Variants in CHD6 observed in about 807,000 individuals in gnomAD.
CHD6 encodes ATP-dependent chromatin remodeler CHD6.
A neutral mutation model predicts 276.9 loss-of-function variants in CHD6; 50 were observed. The ratio of observed to expected loss-of-function variants is 0.18; its 90% CI spans 0.14 to 0.23. The LOEUF (loss-of-function observed/expected upper bound fraction) is 0.23, where lower values mean the gene tolerates loss of function less well. Ranked by LOEUF, CHD6 falls within the 10% of genes least tolerant of loss-of-function variation. CHD6 has a pLI of 1.00. For missense variants in CHD6, 2,564 were observed against 3,365.8 expected, an observed-to-expected ratio of 0.76 and a Z score of 5.89; for synonymous variants, 1,173 against 1,229.3, an observed-to-expected ratio of 0.95 and a Z score of 0.96.
chr20:41,519,234 G>T (rs934486663), intron 3 of CHD6, among the ~76,000 whole-genome samples: 1 of 152,194 alleles, frequency 6.6e-6, no homozygotes, highest in South Asian at 2.1e-4. Flanking sequence ...AGTGAGCACA[G>T]ATCATGCCAC....
chr20:41,593,986 T>A (rs1047846814), intron 1 of CHD6, among the ~76,000 whole-genome samples: 1 of 150,882 alleles, frequency 6.6e-6, no homozygotes. Flanking sequence ...GAGAACAAAT[T>A]TTGCTTAAAA....
At chr20:41,507,046 T>G (rs944123179) in intron 5 of CHD6, among the ~76,000 whole-genome samples, 1 of 152,154 alleles carries the variant, frequency 6.6e-6, no homozygotes, top group Admixed American at 6.5e-5. Context: ...TCATGACTGC[T>G]GACTACTTTC....
chr20:41,561,346 A>G (rs2146185197), intron 1 of CHD6, among the ~76,000 whole-genome samples: 1 of 152,316 alleles, frequency 6.6e-6, no homozygotes, highest in South Asian at 2.1e-4. Context: ...GATAATAACT[A>G]CCTCATTTAA....
chr20:41,469,204 T>C (rs2042998352), intron 17 of CHD6, among the ~76,000 whole-genome samples: 1 of 152,170 alleles, frequency 6.6e-6, no homozygotes, highest in Non-Finnish European at 1.5e-5. Flanking sequence ...TGCATTATCT[T>C]GTGGCTGTGC....
At chr20:41,536,639 C>T (rs960043803) in intron 2 of CHD6, among the ~76,000 whole-genome samples, 14 of 152,272 alleles carry the variant, frequency 9.2e-5, no homozygotes, top group Non-Finnish European at 1.9e-4. Context: ...TATACCTTTT[C>T]AACAGAAAGC....
At chr20:41,430,854 A>G (rs1600840530) in intron 27 of CHD6, among the ~76,000 whole-genome samples, 1 of 127,606 alleles carries the variant, frequency 7.8e-6, no homozygotes, top group African/African-American at 3.0e-5. Context: ...CAGAACATGA[A>G]TTTTTTTTTT....
chr20:41,456,483 G>A (rs1314671059), intron 18 of CHD6, among the ~76,000 whole-genome samples: 4 of 151,942 alleles, frequency 2.6e-5, no homozygotes, highest in Non-Finnish European at 4.4e-5. Context: ...AGGAAATGGG[G>A]TCCCAAACAC....
At chr20:41,538,992 C>T (rs2044888758) in intron 2 of CHD6, among the ~76,000 whole-genome samples, 1 of 152,182 alleles carries the variant, frequency 6.6e-6, no homozygotes. Context: ...TCCACTGACC[C>T]CATACCCTGC....
chr20:41,431,776 CTT>C (rs61227802), intron 27 of CHD6, among the ~76,000 whole-genome samples: 55 of 104,636 alleles, frequency 5.3e-4, no homozygotes, highest in Admixed American at 8.1e-4. Flanking sequence ...AAAAAACATG[CTT>C]TTTTTTTTTT....
intron 1 of CHD6, among the ~76,000 whole-genome samples, chr20:41,579,378 C>T (rs1173566330): frequency 2.2e-5 from 3 of 138,654 alleles, no homozygotes; most frequent in African/African-American, 5.7e-5. Flanking sequence ...GTAGAGGTTG[C>T]AGTAAGCCAA....
At chr20:41,437,356 C>G in intron 26 of CHD6, 22 bp from the exon 27 acceptor site, 1 of 1,580,046 alleles carries the variant, frequency 6.3e-7, no homozygotes, top group Non-Finnish European at 8.7e-7. Context: ...TAAAAAAAGG[C>G]ATCACATACT....
chr20:41,482,370 C>A (rs1225766509), intron 16 of CHD6, among the ~76,000 whole-genome samples: 1 of 152,072 alleles, frequency 6.6e-6, no homozygotes, highest in East Asian at 1.9e-4. Flanking sequence ...ATTGTCTAAT[C>A]AGACTTTGAA....
At chr20:41,467,117 A>AC (rs1555898055) in intron 17 of CHD6, among the ~76,000 whole-genome samples, 1 of 151,994 alleles carries the variant, frequency 6.6e-6, no homozygotes. Flanking sequence ...AGAAAAATAA[A>AC]CCCCTGTTTG....
intron 36 of CHD6, 50 bp from the exon 37 acceptor site, chr20:41,405,539 G>A (rs1255638848): frequency 6.3e-6 from 9 of 1,417,692 alleles, no homozygotes; most frequent in Middle Eastern, 2.1e-4. Flanking sequence ...GATGGCAGGT[G>A]GTCAGCTGAG....
intron 17 of CHD6, among the ~76,000 whole-genome samples, chr20:41,459,188 A>C (rs539661292): frequency 6.6e-6 from 1 of 152,222 alleles, no homozygotes; most frequent in Non-Finnish European, 1.5e-5. Context: ...TGCCCTGCCC[A>C]CATTCTTCCC....
chr20:41,419,643 A>C (rs557732770), intron 31 of CHD6, among the ~76,000 whole-genome samples: 1 of 150,520 alleles, frequency 6.6e-6, no homozygotes, highest in Non-Finnish European at 1.5e-5. Flanking sequence ...CCTCTTTAAC[A>C]TAAAATCAGT....
chr20:41,404,958 C>G lies in CHD6; in HGVS notation c.7783G>C (p.Asp2595His). The change falls in exon 37 of 37, where the codon GAT (aspartate) becomes CAT (histidine). Residue 2595 changes from aspartate (D) to histidine (H), a missense_variant. Around this residue, in one of 7 missense-constraint regions of CHD6, gnomAD observed 238 missense variants for 266.0 expected, o/e 0.89. Transcript: ENST00000373233. Reference protein sequence around the residue: ...EDKPGPGPFSDQSEPAITTSS... With the variant: ...EDKPGPGPFSHQSEPAITTSS... ...GTAGTTATTGCAGGTTCAGACTGAT[C>G]AGAAAATGGACCTGGACCAGGCTTG... The G allele has an allele frequency of 6.2e-7, 1 of 1,614,208 alleles. No individual in the cohort carries two copies. Among genetic ancestry groups the G allele is most frequent in the South Asian group, 1.1e-5 (1 of 91,080 alleles).
In CHD6 at chr20:41,455,978, A is replaced by G. The variant is rs776094427; in HGVS notation, c.2831T>C (p.Val944Ala). Reference sequence around the variant, plus strand: ...CACCTCCATTTTTGAGAGCTGCTGTACCTGGACAGGTCACCAAAGGCTACT... The same window carrying G: ...CACCTCCATTTTTGAGAGCTGCTGTGCCTGGACAGGTCACCAAAGGCTACT... ...DINRKGGTNG[V>A]QQLSKMEVED... The change falls in exon 19 of 37, where the codon GTA (valine) becomes GCA (alanine). Residue 944 changes from valine to alanine, a missense_variant and splice_region_variant. By Grantham distance (64) the Val-to-Ala change is moderately conservative. Coordinates refer to ENST00000373233, the MANE Select transcript of CHD6 (RefSeq NM_032221.5). 6.5e-7 allele frequency: 1 copy of G among 1,544,432 alleles called. No individual in the cohort carries two copies. Among genetic ancestry groups the G allele is most frequent in the South Asian group, 1.3e-5 (1 of 79,188 alleles).
intron 1 of CHD6, among the ~76,000 whole-genome samples, chr20:41,594,367 C>T (rs2045696418): frequency 6.6e-6 from 1 of 152,190 alleles, no homozygotes; most frequent in Admixed American, 6.5e-5. Context: ...GGCATTCTTA[C>T]ACCAATCTAA....
Sources: gnomAD v4.1 joint callset for allele counts (sites outside exome capture counted in the v4.1 genomes callset) on GRCh38, gnomAD v4.1.1 for gene constraint, gnomAD v4.1.1 regional missense constraint, MANE v1.5 for transcripts, NCBI Gene and HGNC (gene_info 2026-07-23, HGNC 2026-07-21) for gene names.